Variants in PTPRB observed in about 807,000 individuals in gnomAD.
PTPRB encodes protein tyrosine phosphatase receptor type B, also known as receptor-type tyrosine-protein phosphatase beta.
PTPRB carries 97 observed loss-of-function variants against 238.1 expected under a neutral mutation model. The ratio of observed to expected loss-of-function variants is 0.41; its 90% CI spans 0.35 to 0.48. The LOEUF (loss-of-function observed/expected upper bound fraction) is 0.48, where lower values mean the gene tolerates loss of function less well. Among genes scored for constraint, PTPRB ranks in the 20% least tolerant of loss-of-function variants. PTPRB has a pLI of 0.30. For missense variants in PTPRB, 2,292 were observed against 2,681.9 expected (o/e 0.85, Z 3.21); for synonymous variants, 970 against 995.4 (o/e 0.97, Z 0.48).
At chr12:70,579,361 C>T (rs1330979968) in intron 10 of PTPRB, among the ~76,000 whole-genome samples, 8 of 152,154 alleles carry the variant, frequency 5.3e-5, no homozygotes, top group African/African-American at 1.7e-4. Flanking sequence ...ATGGATGGTG[C>T]CAAGAACCAT....
At position 70,556,150 on chromosome 12, in the gene PTPRB, T is replaced by C; in HGVS notation, c.4715-2A>G. The stretch of plus-strand genomic sequence containing the variant: ...GCAGGTTTTGTATCTTGTCAGGCTC[T>C]AAAGGAAACAGAGGAGGCAACACTT... On this transcript the variant is annotated splice_acceptor_variant, in intron 18 of 33. Coordinates refer to ENST00000334414, the MANE Select transcript of PTPRB (RefSeq NM_001109754.4). LOFTEE classifies it high-confidence loss of function. 6.2e-7 allele frequency: 1 copy of C among 1,610,884 alleles called. No individual in the cohort carries two copies. Among genetic ancestry groups the C allele is most frequent in the Non-Finnish European group, 8.5e-7 (1 of 1,178,160 alleles).
chr12:70,631,050 A>C (rs977190697), intron 2 of PTPRB, among the ~76,000 whole-genome samples: 27 of 152,194 alleles, frequency 1.8e-4, no homozygotes, highest in Non-Finnish European at 2.9e-4. Context: ...GCTACCAATG[A>C]CTTTCTTCAC....
intron 3 of PTPRB, among the ~76,000 whole-genome samples, chr12:70,610,960 C>T (rs1020822382): frequency 2.0e-5 from 3 of 152,244 alleles, no homozygotes; most frequent in African/African-American, 4.8e-5. Flanking sequence ...AGTACCCAAA[C>T]GGTTATTTAT....
At chr12:70,607,019 A>G (rs781359156) in intron 4 of PTPRB, among the ~76,000 whole-genome samples, 1 of 152,198 alleles carries the variant, frequency 6.6e-6, no homozygotes, top group African/African-American at 2.4e-5. Flanking sequence ...ATGCTAGCAC[A>G]TTGTGGATGC....
chr12:70,612,036 A>G (rs1157811472), intron 3 of PTPRB, among the ~76,000 whole-genome samples: 1 of 152,194 alleles, frequency 6.6e-6, no homozygotes, highest in Non-Finnish European at 1.5e-5. Flanking sequence ...CTGTATTTAG[A>G]TAACAATGTA....
intron 19 of PTPRB, 47 bp downstream of exon 19, chr12:70,555,823 T>G: frequency 6.3e-7 from 1 of 1,596,320 alleles, no homozygotes; most frequent in African/African-American, 1.3e-5. Context: ...CACAGCCCCT[T>G]CACTCCAGTG....
chr12:70,619,627 A>G (rs952309703), intron 3 of PTPRB, among the ~76,000 whole-genome samples: 1 of 152,142 alleles, frequency 6.6e-6, no homozygotes, highest in Admixed American at 6.5e-5. Flanking sequence ...CTGGCAGATA[A>G]GAGGCCATGT....
Position 70,532,112 on chromosome 12 carries a change from C to G in PTPRB, c.6427G>C (p.Asp2143His). ...TAAATGTCCACAGAGTCTTTGGAGTCTAACTGCTGGAGGATTCGGTCCAAT... is the reference window on the plus strand; with the variant it reads ...TAAATGTCCACAGAGTCTTTGGAGTGTAACTGCTGGAGGATTCGGTCCAAT... Reference protein sequence around the residue: ...IALDRILQQLDSKDSVDIYGA... With the variant: ...IALDRILQQLHSKDSVDIYGA... Residue 2143 changes from aspartate to histidine, a missense_variant, in exon 32 of 34, where the codon GAC (aspartate) becomes CAC (histidine). By Grantham distance (81) the Asp-to-His change is moderately conservative. Transcript: ENST00000334414. 4.3e-6 allele frequency: 7 copies of G among 1,613,890 alleles called. No homozygotes were observed. The highest frequency in any genetic ancestry group is 5.9e-6 in the Non-Finnish European group (7 of 1,179,836).
chr12:70,613,951 A>T (rs1884570253), intron 3 of PTPRB, among the ~76,000 whole-genome samples: 1 of 152,188 alleles, frequency 6.6e-6, no homozygotes, highest in Non-Finnish European at 1.5e-5. Context: ...GGAAGAGCAA[A>T]GGAATGACAA....
At chr12:70,603,596 A>G (rs1191333865) in intron 4 of PTPRB, among the ~76,000 whole-genome samples, 2 of 152,200 alleles carry the variant, frequency 1.3e-5, no homozygotes, top group Non-Finnish European at 2.9e-5. Context: ...TGAATTCGTA[A>G]ACATTGTCAG....
chr12:70,560,608 C>T lies in PTPRB; in HGVS notation c.4432+63G>A, dbSNP rs1878366461. On this transcript the variant is annotated intron_variant, in intron 17 of 33. Transcript: ENST00000334414. This position sits in a 1 kb window ranked among gnomAD's most constrained non-coding sequence, Gnocchi z 4.2. ...TATCTCTTGTCATTAAAATCAGAAT[C>T]AAAATGTGTCTCTGGAAGCTACTTC... 32 of 1,587,010 alleles carry T rather than the reference C, an allele frequency of 2.0e-5. No individual in the cohort carries two copies. The South Asian group carries it at 3.7e-4, about 18-fold the overall frequency.
intron 9 of PTPRB, among the ~76,000 whole-genome samples, chr12:70,586,261 C>T (rs1410198331): frequency 1.3e-5 from 2 of 152,176 alleles, no homozygotes; most frequent in Admixed American, 6.5e-5. Flanking sequence ...TACAGTCCCA[C>T]CAACAGTGTA....
chr12:70,521,606 A>G, intron 33 of PTPRB, 95 bp from the exon 34 acceptor site: 1 of 1,097,466 alleles, frequency 9.1e-7, no homozygotes, highest in African/African-American at 1.6e-5. Context: ...AGACCAGCAG[A>G]AACATATAGC....
At chr12:70,609,001 A>G in intron 4 of PTPRB, 68 bp downstream of exon 4, 1 of 1,528,000 alleles carries the variant, frequency 6.5e-7, no homozygotes, top group Non-Finnish European at 8.9e-7. Flanking sequence ...CAAATGAAAC[A>G]CCAGCTTGAA....
chr12:70,636,760 T>G (rs1294515787), intron 1 of PTPRB, among the ~76,000 whole-genome samples: 8 of 152,194 alleles, frequency 5.3e-5, no homozygotes, highest in Non-Finnish European at 8.8e-5. Context: ...ATAGATTTTC[T>G]AAAAATCATC....
At chr12:70,629,617 G>A (rs966850502) in intron 2 of PTPRB, among the ~76,000 whole-genome samples, 1 of 152,110 alleles carries the variant, frequency 6.6e-6, no homozygotes, top group African/African-American at 2.4e-5. Context: ...GAAAGAGATA[G>A]AGACACAAAA....
At position 70,539,627 on chromosome 12, in the gene PTPRB, C is replaced by G. The variant is rs750869262; in HGVS notation, c.5776G>C (p.Glu1926Gln). The G allele has an allele frequency of 3.5e-5, 54 of 1,546,164 alleles. No individual in the cohort carries two copies. The highest frequency in any genetic ancestry group is 3.9e-5 in the Non-Finnish European group (44 of 1,133,300). ...DSNYLLSKEYEELKDVGRNQS... is the reference protein window; with the variant it reads ...DSNYLLSKEYQELKDVGRNQS... Reference sequence around the variant, plus strand: ...GCTTCATTCTGCCTGAGTTGTACCTCGTATTCCTTGGATAGAAGGTAGTTG... The same window carrying G: ...GCTTCATTCTGCCTGAGTTGTACCTGGTATTCCTTGGATAGAAGGTAGTTG... The change falls in exon 26 of 34, where the codon GAG (glutamate) becomes CAG (glutamine). Residue 1926 changes from glutamate to glutamine, a missense_variant and splice_region_variant. This residue lies in a region of PTPRB where 397 missense variants were observed against 502.0 expected (regional missense o/e 0.79). Transcript: ENST00000334414.
intron 4 of PTPRB, among the ~76,000 whole-genome samples, chr12:70,607,687 C>T (rs1304364326): frequency 2.0e-5 from 3 of 151,872 alleles, no homozygotes; most frequent in Non-Finnish European, 4.4e-5. Context: ...CAGGCGCCCG[C>T]CACCACACCA....
intron 21 of PTPRB, among the ~76,000 whole-genome samples, chr12:70,548,169 A>G (rs1189596302): frequency 6.6e-6 from 1 of 152,170 alleles, no homozygotes; most frequent in Non-Finnish European, 1.5e-5. Context: ...TCTATTAAAA[A>G]TACAAAAATT....
Sources: gnomAD v4.1 joint callset for allele counts (sites outside exome capture counted in the v4.1 genomes callset) on GRCh38, gnomAD v4.1.1 for gene constraint, gnomAD v4.1.1 regional missense constraint, Gnocchi (gnomAD v3.1) non-coding constraint, MANE v1.5 for transcripts, NCBI Gene and HGNC (gene_info 2026-07-23, HGNC 2026-07-21) for gene names.